The following RNF115 variants were observed in gnomAD, a reference collection of about 807,000 sequenced individuals.
RNF115 encodes E3 ubiquitin-protein ligase RNF115.
In RNF115, 31 loss-of-function variants were observed where a neutral mutation model predicts 39.2. That is an observed-to-expected ratio of 0.79 (90% CI 0.59 to 1.07). RNF115 has a LOEUF of 1.07. RNF115 is among the 50% of genes least tolerant of loss of function. RNF115 has a pLI of 0.00. For missense variants in RNF115, 384 were observed against 381.7 expected (o/e 1.01, Z -0.05); for synonymous variants, 124 against 131.0 (o/e 0.95, Z 0.37).
chr1:145,754,351 G>GTTTTTTTTTTTTTTTTTT (rs57910583), intron 4 of RNF115, among the ~76,000 whole-genome samples: 1 of 150,444 alleles, frequency 6.6e-6, no homozygotes, highest in Non-Finnish European at 1.5e-5. Context: ...AACACTGGTT[G>GTTTTTTTTTTTTTTTTTT]TTTTTTTTTT....
intron 1 of RNF115, among the ~76,000 whole-genome samples, chr1:145,796,869 A>C (rs1331231485): frequency 1.3e-5 from 2 of 151,926 alleles, no homozygotes; most frequent in Non-Finnish European, 2.9e-5. Context: ...ATGAATTTAT[A>C]ATTTTTGATA....
At chr1:145,820,041 AAAAT>A (rs1650166708) in intron 1 of RNF115, among the ~76,000 whole-genome samples, 1 of 142,616 alleles carries the variant, frequency 7.0e-6, no homozygotes, top group South Asian at 2.5e-4. Context: ...CCATCTCAAA[AAAAT>A]AAATAAATAA....
In RNF115 at chr1:145,746,974, C is replaced by T; in HGVS notation, c.807G>A (p.Arg269=). The part of the protein sequence containing the change: ...LELHDTCPVC[R]KSLNGEDSTR... Reference sequence around the variant, plus strand: ...TAGAGTCCTCACCATTTAAGCTCTTCCTACATACAGGACATGTGTCATGCT... The same window carrying T: ...TAGAGTCCTCACCATTTAAGCTCTTTCTACATACAGGACATGTGTCATGCT... The change falls in exon 9 of 9, where the codon AGG becomes AGA. Residue 269 remains arginine (R), a synonymous_variant. Coordinates refer to ENST00000582693, the MANE Select transcript of RNF115 (RefSeq NM_014455.4). 6.2e-7 allele frequency: 1 copy of T among 1,613,894 alleles called. No homozygotes were observed. Among genetic ancestry groups the T allele is most frequent in the South Asian group, 1.1e-5 (1 of 91,020 alleles).
intron 4 of RNF115, 139 bp from the exon 5 acceptor site, chr1:145,753,188 A>C (rs1160369348): frequency 1.6e-6 from 1 of 613,554 alleles, no homozygotes; most frequent in Non-Finnish European, 2.9e-6. Flanking sequence ...ACAGCATCAG[A>C]AATCAGCCTG....
Position 145,743,171 on chromosome 1 carries a change from T to C in RNF115, c.*3695A>G, listed in dbSNP as rs1657737435. The C allele has an allele frequency of 6.6e-6, 1 of 152,178 alleles. No homozygotes were observed. Among genetic ancestry groups the C allele is most frequent in the South Asian group, 2.1e-4 (1 of 4,830 alleles). 9.4% of individuals were successfully genotyped at this position (152,178 alleles called of 1,614,324 possible). On this transcript the variant is annotated 3_prime_UTR_variant, in exon 9 of 9. Coordinates refer to ENST00000582693, the MANE Select transcript of RNF115 (RefSeq NM_014455.4). ...AGTATTCTGGGTGTGTCTGTGAAGG[T>C]GTTTTTGGAAGAGACTAACATTTCA...
In RNF115 at chr1:145,792,451, G is replaced by A. The variant is rs145345732; in HGVS notation, c.103-3485C>T. ...GCTCAAGTCATCCTCCCAAAGTGCTGGGATTACAGGCAAAACCCACCATGC... is the reference window on the plus strand; with the variant it reads ...GCTCAAGTCATCCTCCCAAAGTGCTAGGATTACAGGCAAAACCCACCATGC... On this transcript the variant is annotated intron_variant, in intron 1 of 8. Coordinates refer to ENST00000582693, the MANE Select transcript of RNF115 (RefSeq NM_014455.4). Among the ~76,000 whole-genome samples the A allele has an allele frequency of 9.3e-4, 142 of 152,106 alleles. 2 individuals carry two copies. Among genetic ancestry groups the A allele is most frequent in the African/African-American group, 3.3e-3 (135 of 41,476 alleles).
rs1386419314 is a variant in RNF115 at position 145,820,357 on chromosome 1, C to G, written c.102+3415G>C. ...TGGAACACACCTATCTACTACTACT[C>G]AGGAGGATATAGTGGGAGGACACAT... On this transcript the variant is annotated intron_variant, in intron 1 of 8. Transcript: ENST00000582693. 2.6e-5 allele frequency among the ~76,000 whole-genome samples: 4 copies of G among 151,828 alleles called. 1 individual carries two copies. Among genetic ancestry groups the G allele is most frequent in the Non-Finnish European group, 5.9e-5 (4 of 67,968 alleles).
chr1:145,766,526 G>A (rs1425977135), intron 4 of RNF115, among the ~76,000 whole-genome samples: 1 of 151,692 alleles, frequency 6.6e-6, no homozygotes, highest in Non-Finnish European at 1.5e-5. Context: ...TCCCAGACGG[G>A]GTGGTGGCCG....
chr1:145,785,060 A>G (rs1197880992), intron 2 of RNF115, among the ~76,000 whole-genome samples: 1 of 152,190 alleles, frequency 6.6e-6, no homozygotes, highest in African/African-American at 2.4e-5. Flanking sequence ...AAAACATTAT[A>G]AAAGGATTCA....
chr1:145,748,967 T>C (rs1014708296), intron 7 of RNF115, among the ~76,000 whole-genome samples: 4 of 151,134 alleles, frequency 2.6e-5, no homozygotes, highest in African/African-American at 7.3e-5. Flanking sequence ...ATACCAGAAG[T>C]GGTGCTGCAG....
At chr1:145,779,587 T>C (rs1342436302) in intron 3 of RNF115, among the ~76,000 whole-genome samples, 2 of 152,190 alleles carry the variant, frequency 1.3e-5, no homozygotes, top group African/African-American at 2.4e-5. Context: ...TAAACAGTTA[T>C]GAGGTATGCA....
intron 1 of RNF115, among the ~76,000 whole-genome samples, chr1:145,794,686 A>G (rs587719867): frequency 6.6e-5 from 10 of 151,156 alleles, no homozygotes; most frequent in South Asian, 2.1e-4. Context: ...TCAAAAATGA[A>G]GCGCGGACCC....
intron 6 of RNF115, 42 bp downstream of exon 6, chr1:145,751,396 T>G: frequency 1.7e-4 from 232 of 1,367,684 alleles, no homozygotes; most frequent in Non-Finnish European, 2.0e-4. Context: ...TGTGGAACCA[T>G]GAGACACACT....
At chr1:145,765,594 C>G (rs1229454745) in intron 4 of RNF115, among the ~76,000 whole-genome samples, 2 of 151,892 alleles carry the variant, frequency 1.3e-5, no homozygotes, top group Non-Finnish European at 1.5e-5. Context: ...AATTCAAAGA[C>G]AAGAGTATGC....
At chr1:145,819,298 A>G (rs1650130164) in intron 1 of RNF115, among the ~76,000 whole-genome samples, 1 of 128,920 alleles carries the variant, frequency 7.8e-6, no homozygotes, top group East Asian at 2.2e-4. Flanking sequence ...AAAAAAAAAA[A>G]AACAGCCAGG....
At chr1:145,749,401 C>G (rs1289447473) in intron 7 of RNF115, among the ~76,000 whole-genome samples, 3 of 152,150 alleles carry the variant, frequency 2.0e-5, no homozygotes, top group Non-Finnish European at 1.5e-5. Context: ...CTTGGATTCT[C>G]AGCTGGCACC....
chr1:145,739,958 A>G lies in RNF115; in HGVS notation c.*6908T>C, dbSNP rs1364597274. 2.6e-5 allele frequency: 4 copies of G among 152,236 alleles called. No individual in the cohort carries two copies. Among genetic ancestry groups the G allele is most frequent in the Non-Finnish European group, 5.9e-5 (4 of 68,036 alleles). The allele number at this position is 152,236 out of a possible 1,614,324, so 9.4% of individuals were successfully genotyped here. A position where few individuals can be genotyped will look rare whatever the true frequency, so the allele number is the denominator to read the frequency against. On this transcript the variant is annotated 3_prime_UTR_variant, in exon 9 of 9. Coordinates refer to ENST00000582693, the MANE Select transcript of RNF115 (RefSeq NM_014455.4). ...TGCCTATTGTATCTTCTCTTTCCAC[A>G]GAATTGTTCTGAGAATCAAAATGAG...
intron 7 of RNF115, among the ~76,000 whole-genome samples, chr1:145,748,924 G>C (rs1405806635): frequency 6.6e-6 from 1 of 151,594 alleles, no homozygotes; most frequent in Non-Finnish European, 1.5e-5. Flanking sequence ...TACCAGAAAA[G>C]AAGAAAATAC....
At chr1:145,756,531 C>T (rs1658300324) in intron 4 of RNF115, among the ~76,000 whole-genome samples, 1 of 151,588 alleles carries the variant, frequency 6.6e-6, no homozygotes, top group Non-Finnish European at 1.5e-5. Context: ...ATTAGAAAAT[C>T]GGACTAAGAA....
Sources: allele counts gnomAD v4.1 joint callset (sites outside exome capture counted in the v4.1 genomes callset), GRCh38; gene constraint gnomAD v4.1.1; transcripts MANE v1.5; gene names NCBI Gene and HGNC (gene_info 2026-07-23, HGNC 2026-07-21).